The following MDGA2 variants were observed in gnomAD, a reference collection of about 807,000 sequenced individuals.
MDGA2 encodes MAM domain containing glycosylphosphatidylinositol anchor 2, also known as MAM domain-containing glycosylphosphatidylinositol anchor protein 2.
In MDGA2, 40 loss-of-function variants were observed where a neutral mutation model predicts 117.8. The observed-to-expected ratio is 0.34, with a 90% CI of 0.26 to 0.44. The LOEUF is 0.44. MDGA2 is among the 20% of genes least tolerant of loss of function. MDGA2 has a pLI of 1.00. For missense variants in MDGA2, 1,123 were observed against 1,250.6 expected, an observed-to-expected ratio of 0.90 and a Z score of 1.54; for synonymous variants, 452 against 439.0, an observed-to-expected ratio of 1.03 and a Z score of -0.37.
In MDGA2 at chr14:46,910,824, T is replaced by C. The variant is rs1304608407; in HGVS notation, c.2238+9188A>G. ...AATGCTACGCAGCCATAAAAACGAA[T>C]GCAATTATATCCTTTGCGGGGACAC... On this transcript the variant is annotated intron_variant, in intron 10 of 16. Transcript: ENST00000399232. 1.2e-4 allele frequency among the ~76,000 whole-genome samples: 19 copies of C among 152,122 alleles called. 1 individual carries two copies. The highest frequency in any genetic ancestry group is 2.8e-4 in the Non-Finnish European group (19 of 68,020).
At chr14:47,105,388 G>A (rs1470350481) in intron 5 of MDGA2, among the ~76,000 whole-genome samples, 3 of 149,734 alleles carry the variant, frequency 2.0e-5, no homozygotes, top group South Asian at 2.1e-4. Context: ...CCCCTTCTCC[G>A]TGTCTCTACT....
chr14:47,207,959 G>A (rs1345811976), intron 3 of MDGA2, among the ~76,000 whole-genome samples: 1 of 151,954 alleles, frequency 6.6e-6, no homozygotes, highest in Non-Finnish European at 1.5e-5. Context: ...CCTCTATCAA[G>A]AGAGAACAGC....
intron 2 of MDGA2, among the ~76,000 whole-genome samples, chr14:47,267,359 T>C (rs1415283658): frequency 6.6e-6 from 1 of 152,310 alleles, no homozygotes; most frequent in African/African-American, 2.4e-5. Context: ...TTAAATTCCA[T>C]TAAAATTCAT....
At chr14:47,039,851 T>G (rs1301722258) in intron 7 of MDGA2, among the ~76,000 whole-genome samples, 1 of 152,148 alleles carries the variant, frequency 6.6e-6, no homozygotes, top group Non-Finnish European at 1.5e-5. Context: ...CTGTTCAGTA[T>G]AAACAGTTGT....
At chr14:46,969,933 C>CATATATATAT (rs1157465830) in intron 8 of MDGA2, among the ~76,000 whole-genome samples, 16 of 15,274 alleles carry the variant, frequency 1.0e-3, no homozygotes, top group East Asian at 2.3e-3. Flanking sequence ...TAAAGTATTC[C>CATATATATAT]ATATATATAT....
chr14:47,283,153 G>A (rs1281880705), intron 2 of MDGA2, among the ~76,000 whole-genome samples: 1 of 152,128 alleles, frequency 6.6e-6, no homozygotes, highest in Non-Finnish European at 1.5e-5. Context: ...ACAGAGAAAG[G>A]AAGGAGAAGT....
chr14:46,981,174 G>GT lies in MDGA2; in HGVS notation c.1820-23532_1820-23531insA, dbSNP rs1555340297. ...ATCCCAGCACTTTGGGAGGCCAAGG[G>GT]GGGGGCGGATCATGAGGTCAGGAGT... is the stretch of plus-strand genomic sequence containing the variant. On this transcript the variant is annotated intron_variant, in intron 8 of 16. Transcript: ENST00000399232. Among the ~76,000 whole-genome samples the GT allele has an allele frequency of 6.5e-3, 984 of 151,598 alleles. 12 individuals are homozygous for GT. The highest frequency in any genetic ancestry group is 0.023 in the African/African-American group (961 of 41,342).
At chr14:47,648,945 TTG>T (rs1897587084) in intron 1 of MDGA2, among the ~76,000 whole-genome samples, 1 of 152,130 alleles carries the variant, frequency 6.6e-6, no homozygotes, top group Admixed American at 6.6e-5. Context: ...TTAACATCAA[TTG>T]TACCTACAGC....
intron 1 of MDGA2, among the ~76,000 whole-genome samples, chr14:47,590,219 A>G (rs1896410559): frequency 6.6e-6 from 1 of 151,914 alleles, no homozygotes; most frequent in African/African-American, 2.4e-5. Context: ...GCCACACCCT[A>G]CAGTATAATG....
chr14:47,405,587 T>C (rs1892244790), intron 1 of MDGA2, among the ~76,000 whole-genome samples: 1 of 152,194 alleles, frequency 6.6e-6, no homozygotes, highest in African/African-American at 2.4e-5. Flanking sequence ...CACTTGACTT[T>C]GAAGGTGCAA....
intron 2 of MDGA2, among the ~76,000 whole-genome samples, chr14:47,300,394 C>T (rs1889236105): frequency 6.6e-6 from 1 of 152,094 alleles, no homozygotes; most frequent in Non-Finnish European, 1.5e-5. Context: ...TATTCTGCAT[C>T]TAAATTAGAT....
intron 3 of MDGA2, among the ~76,000 whole-genome samples, chr14:47,209,449 C>G (rs1469809161): frequency 6.6e-6 from 1 of 152,116 alleles, no homozygotes; most frequent in East Asian, 1.9e-4. Flanking sequence ...GGAAAGCTGA[C>G]AGTTGCCATT....
At chr14:47,157,778 A>G (rs2139260878) in intron 3 of MDGA2, among the ~76,000 whole-genome samples, 1 of 152,104 alleles carries the variant, frequency 6.6e-6, no homozygotes, top group African/African-American at 2.4e-5. Flanking sequence ...TCTCGTGATA[A>G]TAAGTTCTCA....
At chr14:47,032,630 T>G (rs12891997) in intron 8 of MDGA2, among the ~76,000 whole-genome samples, 39,538 of 152,050 alleles carry the variant, frequency 0.26, 6,047 homozygotes, top group East Asian at 0.59. Flanking sequence ...GTTTTTCAAT[T>G]TAAAAACATT....
intron 1 of MDGA2, among the ~76,000 whole-genome samples, chr14:47,548,727 T>C (rs1366919103): frequency 1.3e-5 from 2 of 152,134 alleles, no homozygotes; most frequent in East Asian, 3.9e-4. Context: ...TCTGAATTCC[T>C]TTCTGGGCAT....
At chr14:46,905,632 TA>T (rs1226701241) in intron 10 of MDGA2, among the ~76,000 whole-genome samples, 1 of 152,154 alleles carries the variant, frequency 6.6e-6, no homozygotes, top group African/African-American at 2.4e-5. Flanking sequence ...AAAAATATTG[TA>T]AAAGAGTTAC....
intron 10 of MDGA2, among the ~76,000 whole-genome samples, chr14:46,918,600 T>C (rs1883991957): frequency 6.6e-6 from 1 of 152,134 alleles, no homozygotes; most frequent in Admixed American, 6.5e-5. Context: ...AGAGAAACAC[T>C]GTGAATGATC....
chr14:47,260,099 A>G (rs1161639238), intron 2 of MDGA2, among the ~76,000 whole-genome samples: 2 of 152,032 alleles, frequency 1.3e-5, no homozygotes, highest in Non-Finnish European at 2.9e-5. Context: ...AGATGGAAAA[A>G]TGGTAATTTA....
chr14:47,221,257 G>T (rs1366790404), intron 2 of MDGA2, among the ~76,000 whole-genome samples: 2 of 151,938 alleles, frequency 1.3e-5, no homozygotes, highest in Non-Finnish European at 2.9e-5. Flanking sequence ...AAGTTACTCT[G>T]GAATCTTAAA....
Sources: gnomAD v4.1 joint callset for allele counts (sites outside exome capture counted in the v4.1 genomes callset) on GRCh38, gnomAD v4.1.1 for gene constraint, MANE v1.5 for transcripts, NCBI Gene and HGNC (gene_info 2026-07-23, HGNC 2026-07-21) for gene names.